The following JPH3 variants were observed in gnomAD, a reference collection of about 807,000 sequenced individuals.
The protein encoded by JPH3 is junctophilin-3.
JPH3 carries 11 observed loss-of-function variants against 59.6 expected under a neutral mutation model. The ratio of observed to expected loss-of-function variants is 0.18; its 90% CI spans 0.12 to 0.31. The LOEUF (loss-of-function observed/expected upper bound fraction) is 0.31, where lower values mean the gene tolerates loss of function less well. Ranked by LOEUF, JPH3 falls within the 10% of genes least tolerant of loss-of-function variation. The pLI, the probability that JPH3 is intolerant of heterozygous loss-of-function variation, is 1.00. For synonymous variants in JPH3, 673 were observed against 483.6 expected (o/e 1.39, Z -5.14); for missense variants, 1,202 against 1,105.7 (o/e 1.09, Z -1.24).
At chr16:87,666,169 G>A (rs944135854) in intron 2 of JPH3, among the ~76,000 whole-genome samples, 1 of 150,892 alleles carries the variant, frequency 6.6e-6, no homozygotes, top group Non-Finnish European at 1.5e-5. Flanking sequence ...GTTCACTGTA[G>A]CCTCTGCCTC....
In JPH3 at chr16:87,669,272, GC is replaced by G. The variant is rs568903000; in HGVS notation, c.1161-14869del. 1.4e-3 allele frequency among the ~76,000 whole-genome samples: 215 copies of G among 152,334 alleles called. 1 individual carries two copies. Among genetic ancestry groups the G allele is most frequent in the African/African-American group, 4.9e-3 (204 of 41,570 alleles). ...GATTTGGGGTTCAGGATGCTTGCCT[GC>G]TGGGTAGGATGGGGTTGCTGAGTGA... On this transcript the variant is annotated intron_variant, in intron 2 of 4. Transcript: ENST00000284262.
intron 2 of JPH3, among the ~76,000 whole-genome samples, chr16:87,646,456 C>T (rs750988073): frequency 1.3e-5 from 2 of 152,182 alleles, no homozygotes; most frequent in African/African-American, 2.4e-5. Context: ...CAGCAGCCCA[C>T]GTGTGACTAC....
chr16:87,612,065 C>T (rs2030749508), intron 1 of JPH3, among the ~76,000 whole-genome samples: 1 of 152,188 alleles, frequency 6.6e-6, no homozygotes, highest in Non-Finnish European at 1.5e-5. Context: ...GATGCCCGGG[C>T]CCCACCCACA....
chr16:87,644,983 G>A lies in JPH3; in HGVS notation c.1108G>A (p.Ala370Thr), dbSNP rs200608117. 2.0e-4 allele frequency: 319 copies of A among 1,608,916 alleles called. No homozygotes were observed. The highest frequency in any genetic ancestry group is 1.9e-4 in the Non-Finnish European group (224 of 1,179,768). Residue 370 changes from alanine to threonine, a missense_variant, in exon 2 of 5, where the codon GCT (alanine) becomes ACT (threonine). Physicochemically the swap from Ala to Thr is moderately conservative, Grantham distance 58 (BLOSUM62 0). Transcript: ENST00000284262. ...REKVDRAVEA[A>T]ERAATIAKQK... Reference sequence around the variant, plus strand: ...GAAGGTGGACCGCGCCGTTGAGGCCGCTGAGCGGGCCGCCACCATCGCCAA... The same window carrying A: ...GAAGGTGGACCGCGCCGTTGAGGCCACTGAGCGGGCCGCCACCATCGCCAA...
chr16:87,604,665 C>G (rs764846988), intron 1 of JPH3: 305 of 1,158,434 alleles, frequency 2.6e-4, no homozygotes, highest in Non-Finnish European at 3.1e-4. Context: ...TCGCTGCCTC[C>G]GAGTCTCATG....
At chr16:87,629,386 CTTTA>C (rs1265072885) in intron 1 of JPH3, among the ~76,000 whole-genome samples, 3 of 148,946 alleles carry the variant, frequency 2.0e-5, no homozygotes, top group Admixed American at 6.7e-5. Context: ...AAAGAATGCT[CTTTA>C]TTCTGAGATT....
chr16:87,660,233 G>A (rs1179157387), intron 2 of JPH3, among the ~76,000 whole-genome samples: 1 of 152,160 alleles, frequency 6.6e-6, no homozygotes, highest in East Asian at 1.9e-4. Flanking sequence ...GCGTCCCTCT[G>A]AGAAAGACTC....
At chr16:87,613,963 C>T (rs993459645) in intron 1 of JPH3, among the ~76,000 whole-genome samples, 8 of 152,238 alleles carry the variant, frequency 5.3e-5, no homozygotes, top group South Asian at 4.2e-4. Context: ...TTGTTTCCGG[C>T]GCTCCGAGAT....
At chr16:87,616,874 C>A (rs551002950) in intron 1 of JPH3, among the ~76,000 whole-genome samples, 4 of 152,232 alleles carry the variant, frequency 2.6e-5, no homozygotes, top group Admixed American at 1.3e-4. Flanking sequence ...CATTTTGGGG[C>A]TGGCTTTCGT....
intron 2 of JPH3, among the ~76,000 whole-genome samples, chr16:87,681,991 G>A (rs113670075): frequency 1.3e-4 from 20 of 152,062 alleles, no homozygotes; most frequent in African/African-American, 4.6e-4. Context: ...TGCTTGTGGC[G>A]GGGGGTCATG....
intron 2 of JPH3, among the ~76,000 whole-genome samples, chr16:87,667,332 G>A (rs1597277138): frequency 6.6e-6 from 1 of 152,352 alleles, no homozygotes; most frequent in African/African-American, 2.4e-5. Flanking sequence ...CTGAGGATTA[G>A]GACGTGGACC....
At chr16:87,648,867 G>C (rs1436030032) in intron 2 of JPH3, among the ~76,000 whole-genome samples, 1 of 152,226 alleles carries the variant, frequency 6.6e-6, no homozygotes, top group Non-Finnish European at 1.5e-5. Flanking sequence ...ATCATGTCTA[G>C]GTGGGGGCCC....
intron 2 of JPH3, among the ~76,000 whole-genome samples, chr16:87,659,483 A>G (rs1597270659): frequency 6.6e-6 from 1 of 150,896 alleles, no homozygotes; most frequent in Admixed American, 6.6e-5. Context: ...CAGCACTGGG[A>G]GGTTGAGGTG....
chr16:87,609,181 A>G lies in JPH3; in HGVS notation c.382+5653A>G, dbSNP rs1408068201. On this transcript the variant is annotated intron_variant, in intron 1 of 4. Transcript: ENST00000284262. ...TGAAGAAGTGAGTGTCTTCTGAGGT[A>G]ACATCCTCTGCTGGTCAACTGGGAG... 4.6e-5 allele frequency among the ~76,000 whole-genome samples: 7 copies of G among 152,368 alleles called. No homozygotes were observed. In the East Asian group the frequency reaches 1.3e-3, roughly 29 times the overall value.
At chr16:87,620,997 A>T (rs1414871659) in intron 1 of JPH3, among the ~76,000 whole-genome samples, 1 of 152,152 alleles carries the variant, frequency 6.6e-6, no homozygotes, top group African/African-American at 2.4e-5. Flanking sequence ...ATCTCTACCA[A>T]AAAATACAAA....
intron 2 of JPH3, among the ~76,000 whole-genome samples, chr16:87,666,608 G>T (rs2150863415): frequency 6.6e-6 from 1 of 152,260 alleles, no homozygotes; most frequent in South Asian, 2.1e-4. Context: ...ATGTTGGTCA[G>T]GCTGGTCTCA....
At chr16:87,676,026 G>A (rs2033134041) in intron 2 of JPH3, among the ~76,000 whole-genome samples, 1 of 152,258 alleles carries the variant, frequency 6.6e-6, no homozygotes, top group African/African-American at 2.4e-5. Flanking sequence ...TGATGGATAT[G>A]GGGTTTCTGT....
chr16:87,673,317 T>TAA (rs11447723), intron 2 of JPH3, among the ~76,000 whole-genome samples: 58 of 147,834 alleles, frequency 3.9e-4, no homozygotes, highest in South Asian at 1.3e-3. Flanking sequence ...GGGAGAGATT[T>TAA]AAAAAAAAAA....
At chr16:87,625,022 C>T (rs1478797266) in intron 1 of JPH3, among the ~76,000 whole-genome samples, 1 of 152,216 alleles carries the variant, frequency 6.6e-6, no homozygotes, top group African/African-American at 2.4e-5. Flanking sequence ...TGGTCTCGAA[C>T]TCCTGACCTC....
Sources: gnomAD v4.1 joint callset for allele counts (sites outside exome capture counted in the v4.1 genomes callset) on GRCh38, gnomAD v4.1.1 for gene constraint, MANE v1.5 for transcripts, NCBI Gene and HGNC (gene_info 2026-07-23, HGNC 2026-07-21) for gene names.